DOCK8: variants seen among roughly 807,000 people sequenced by gnomAD.
The protein encoded by DOCK8 is dedicator of cytokinesis 8.
Under a neutral mutation model 245.6 loss-of-function variants are expected in DOCK8, and 141 were observed. The observed-to-expected ratio is 0.57, with a 90% CI of 0.50 to 0.66. The LOEUF (loss-of-function observed/expected upper bound fraction) is 0.66. DOCK8 is among the 30% of genes least tolerant of loss of function. The pLI is 0.00. For missense variants in DOCK8, 2,965 were observed against 2,603.4 expected, an observed-to-expected ratio of 1.14 and a Z score of -3.02; for synonymous variants, 1,168 against 970.2, an observed-to-expected ratio of 1.20 and a Z score of -3.79.
intron 6 of DOCK8, among the ~76,000 whole-genome samples, chr9:313,870 A>G (rs774246392): frequency 2.0e-5 from 3 of 152,260 alleles, no homozygotes; most frequent in South Asian, 2.1e-4. Flanking sequence ...TTTAATCTTT[A>G]TACGATGTAT....
intron 1 of DOCK8, among the ~76,000 whole-genome samples, chr9:266,717 C>T (rs1258515024): frequency 6.6e-6 from 1 of 152,170 alleles, no homozygotes; most frequent in Non-Finnish European, 1.5e-5. Context: ...AGTCCATCAC[C>T]ACCATTCTGA....
At chr9:296,075 C>A (rs2049249140) in intron 4 of DOCK8, among the ~76,000 whole-genome samples, 1 of 152,184 alleles carries the variant, frequency 6.6e-6, no homozygotes, top group South Asian at 2.1e-4. Context: ...GATTTCCATT[C>A]TATCACTCAT....
chr9:418,507 G>A (rs951319415), intron 30 of DOCK8, among the ~76,000 whole-genome samples: 2 of 151,962 alleles, frequency 1.3e-5, no homozygotes, highest in African/African-American at 2.4e-5. Context: ...ACCTCAGATG[G>A]TACACCCACC....
At chr9:218,333 C>T (rs1405745464) in intron 1 of DOCK8, among the ~76,000 whole-genome samples, 1 of 152,166 alleles carries the variant, frequency 6.6e-6, no homozygotes, top group African/African-American at 2.4e-5. Context: ...ATTTGTAAAG[C>T]GTTCAGTTCT....
chr9:253,173 G>T (rs1334050381), intron 1 of DOCK8, among the ~76,000 whole-genome samples: 1 of 152,092 alleles, frequency 6.6e-6, no homozygotes, highest in Non-Finnish European at 1.5e-5. Context: ...CACTTCCTCA[G>T]TGTCCCTGTA....
At chr9:273,049 A>G (rs2048208168) in intron 2 of DOCK8, 3 of 985,326 alleles carry the variant, frequency 3.0e-6, no homozygotes, top group Non-Finnish European at 2.4e-6. Context: ...GGTAACCGCC[A>G]TTTTGTCTCC....
In DOCK8 at chr9:371,489, C is replaced by T. The variant is rs1214382661; in HGVS notation, c.1930C>T (p.His644Tyr). 1 of 1,614,184 alleles carries T rather than the reference C, an allele frequency of 6.2e-7. No individual in the cohort carries two copies. The highest frequency in any genetic ancestry group is 8.5e-7 in the Non-Finnish European group (1 of 1,180,014). Reference protein sequence around the residue: ...KLPAKLTVNHHLLFTFYHISC... With the variant: ...KLPAKLTVNHYLLFTFYHISC... ...CCCCGCTAAGCTCACAGTAAATCAC[C>T]ACCTCCTGTTCACCTTCTACCATAT... The change falls in exon 17 of 48, where the codon CAC (histidine) becomes TAC (tyrosine). Residue 644 changes from histidine (H) to tyrosine (Y), a missense_variant. By Grantham distance (83) the His-to-Tyr change is moderately conservative. Coordinates refer to ENST00000432829, the MANE Select transcript of DOCK8 (RefSeq NM_203447.4).
Position 336,471 on chromosome 9 carries a change from A to G in DOCK8, c.1286-111A>G, listed in dbSNP as rs184328399. The G allele has an allele frequency of 4.9e-6, 7 of 1,414,850 alleles. No homozygotes were observed. The East Asian group carries it at 1.4e-4, about 28-fold the overall frequency. 87.6% of individuals were successfully genotyped at this position (1,414,850 alleles called of 1,614,324 possible). On this transcript the variant is annotated intron_variant, in intron 11 of 47. Coordinates refer to ENST00000432829, the MANE Select transcript of DOCK8 (RefSeq NM_203447.4). The stretch of plus-strand genomic sequence containing the variant: ...ATTTTCATTCAAAACAAGGATGGCC[A>G]TATTCAGTGTTCCTGATCAGTGACT...
intron 1 of DOCK8, among the ~76,000 whole-genome samples, chr9:243,525 G>C (rs1029531877): frequency 6.6e-6 from 1 of 152,118 alleles, no homozygotes; most frequent in Non-Finnish European, 1.5e-5. Flanking sequence ...GAGATCAAGG[G>C]AAGAAGAAAG....
intron 14 of DOCK8, among the ~76,000 whole-genome samples, chr9:350,982 C>A (rs2052140058): frequency 6.6e-6 from 1 of 152,138 alleles, no homozygotes; most frequent in African/African-American, 2.4e-5. Context: ...TCAGGAAATG[C>A]TCTTTGGGAT....
intron 1 of DOCK8, among the ~76,000 whole-genome samples, chr9:263,791 C>T (rs1171727749): frequency 6.6e-6 from 1 of 152,108 alleles, no homozygotes; most frequent in Non-Finnish European, 1.5e-5. Flanking sequence ...TTGTGGATTT[C>T]ACTTTTTCAA....
chr9:331,023 A>G (rs2050986251), intron 9 of DOCK8, among the ~76,000 whole-genome samples: 1 of 152,122 alleles, frequency 6.6e-6, no homozygotes. Flanking sequence ...TCAGGGTCCT[A>G]ATTAAGAAGT....
chr9:384,030 C>T (rs1017467938), intron 22 of DOCK8, among the ~76,000 whole-genome samples: 3 of 152,010 alleles, frequency 2.0e-5, no homozygotes, highest in Admixed American at 1.3e-4. Context: ...TTTTTCTGTC[C>T]CAGGATCCCA....
intron 1 of DOCK8, among the ~76,000 whole-genome samples, chr9:231,037 C>G (rs996566879): frequency 6.6e-6 from 1 of 152,080 alleles, no homozygotes; most frequent in African/African-American, 2.4e-5. Flanking sequence ...GGTTTTAGGT[C>G]TAACATTTAA....
chr9:372,387 C>T, intron 18 of DOCK8, 101 bp downstream of exon 18: 1 of 946,422 alleles, frequency 1.1e-6, no homozygotes, highest in Non-Finnish European at 1.7e-6. Flanking sequence ...GGATGTTCAT[C>T]ATGTTCTCAG....
chr9:370,418 A>G (rs931581071), intron 16 of DOCK8, 118 bp downstream of exon 16: 88 of 871,168 alleles, frequency 1.0e-4, no homozygotes, highest in African/African-American at 5.7e-4. Flanking sequence ...CTGAGGGGCA[A>G]AGGAAATCCA....
chr9:238,485 G>C (rs112201140), intron 1 of DOCK8, among the ~76,000 whole-genome samples: 59 of 152,298 alleles, frequency 3.9e-4, no homozygotes, highest in African/African-American at 1.4e-3. Context: ...ACTGGAAATA[G>C]GAGATGGAGA....
chr9:276,953 C>T (rs1289763094), intron 2 of DOCK8: 3 of 328,576 alleles, frequency 9.1e-6, no homozygotes, highest in Non-Finnish European at 1.3e-5. Context: ...GGACCACAGG[C>T]GCACCATTGC....
rs1406942456 is a variant in DOCK8 at position 376,207 on chromosome 9, C to T, written c.2110-3C>T. ...TAATCTTTTTTTTTTCTCTTTAACA[C>T]AGAAAGTCCCATTACAGAATCCTCC... On this transcript the variant is annotated splice_region_variant and splice_polypyrimidine_tract_variant and intron_variant, in intron 18 of 47. Coordinates refer to ENST00000432829, the MANE Select transcript of DOCK8 (RefSeq NM_203447.4). 2 of 1,595,532 alleles carry T rather than the reference C, an allele frequency of 1.3e-6. No homozygotes were observed. Among genetic ancestry groups the T allele is most frequent in the South Asian group, 1.1e-5 (1 of 90,644 alleles).
Sources: allele counts gnomAD v4.1 joint callset (sites outside exome capture counted in the v4.1 genomes callset), GRCh38; gene constraint gnomAD v4.1.1; transcripts MANE v1.5; gene names NCBI Gene and HGNC (gene_info 2026-07-23, HGNC 2026-07-21).